The following CCDC38 variants were observed in gnomAD, a reference collection of about 807,000 sequenced individuals.
CCDC38 encodes coiled-coil domain containing 38.
CCDC38 carries 69 observed loss-of-function variants against 72.8 expected under a neutral mutation model. The observed-to-expected ratio is 0.95, with a 90% confidence interval of 0.78 to 1.16. The LOEUF (loss-of-function observed/expected upper bound fraction) is 1.16. Among genes scored for constraint, CCDC38 ranks in the 50% most tolerant of loss-of-function variants. The probability of loss-of-function intolerance (pLI) is 0.00; values close to 1 mark genes in which losing one functional copy is unlikely to be tolerated. For missense variants in CCDC38, 626 were observed against 638.9 expected (o/e 0.98, Z 0.22); for synonymous variants, 201 against 213.2 (o/e 0.94, Z 0.50).
chr12:95,896,157 C>T (rs79760173), intron 7 of CCDC38, among the ~76,000 whole-genome samples: 12,956 of 151,746 alleles, frequency 0.085, 766 homozygotes, highest in Non-Finnish European at 0.12. Context: ...AGGCAGGACA[C>T]ACTACAGACA....
intron 4 of CCDC38, among the ~76,000 whole-genome samples, chr12:95,915,089 TAG>T (rs1430410062): frequency 1.3e-5 from 2 of 152,202 alleles, no homozygotes; most frequent in African/African-American, 4.8e-5. Context: ...TACTAAATCT[TAG>T]AGCCATATTC....
intron 4 of CCDC38, among the ~76,000 whole-genome samples, chr12:95,913,646 G>A (rs754082138): frequency 5.3e-5 from 8 of 152,138 alleles, no homozygotes; most frequent in Non-Finnish European, 1.2e-4. Flanking sequence ...ACTTTACTTT[G>A]TAATGGTGTT....
chr12:95,878,174 G>A lies in CCDC38; in HGVS notation c.1278+37C>T, dbSNP rs375640184. 9.0e-5 allele frequency: 144 copies of A among 1,607,188 alleles called. No individual in the cohort carries two copies. In the African/African-American group the frequency reaches 1.6e-3, roughly 18 times the overall value. Reference sequence around the variant, plus strand: ...CAGGGAATAAAAATTATAATCATGAGCCAAAATGAAATCACCATAGGCAAA... The same window carrying A: ...CAGGGAATAAAAATTATAATCATGAACCAAAATGAAATCACCATAGGCAAA... On this transcript the variant is annotated intron_variant, in intron 13 of 15. Transcript: ENST00000344280.
Position 95,893,407 on chromosome 12 carries a change from TTCCCTCCCTCCC to T in CCDC38, c.772+1570_772+1581del, listed in dbSNP as rs71091218. On this transcript the variant is annotated intron_variant, in intron 8 of 15. Transcript: ENST00000344280. ...TTTTCTTAGATTTAACTTATCTTCC[TTCCCTCCCTCCC>T]TCCCTCCCTCCCTCCCTCCCTCCCT... is the stretch of plus-strand genomic sequence containing the variant. 1.4e-3 allele frequency among the ~76,000 whole-genome samples: 117 copies of T among 85,256 alleles called. 2 individuals carry two copies. The highest frequency in any genetic ancestry group is 9.8e-3 in the South Asian group (19 of 1,942). 55.9% of individuals were successfully genotyped at this position (85,256 alleles called of 152,430 possible).
At chr12:95,936,557 A>C in intron 1 of CCDC38, 34 bp from the exon 2 acceptor site, 1 of 1,580,592 alleles carries the variant, frequency 6.3e-7, no homozygotes, top group Non-Finnish European at 8.7e-7. Context: ...TTTTTTAAAA[A>C]TTCTATGAAC....
At chr12:95,869,736 G>A (rs1315946162) in intron 14 of CCDC38, 163 bp from the exon 15 acceptor site, 7 of 557,242 alleles carry the variant, frequency 1.3e-5, no homozygotes, top group Non-Finnish European at 2.2e-5. Context: ...GAATATTCAG[G>A]TAAATCTCGA....
intron 13 of CCDC38, among the ~76,000 whole-genome samples, chr12:95,877,053 A>T (rs2079643515): frequency 6.6e-6 from 1 of 152,164 alleles, no homozygotes; most frequent in South Asian, 2.1e-4. Flanking sequence ...AAGATTAAAC[A>T]AGTTTTATTG....
chr12:95,915,345 G>A (rs971139486), intron 4 of CCDC38, among the ~76,000 whole-genome samples: 2 of 152,188 alleles, frequency 1.3e-5, no homozygotes, highest in African/African-American at 4.8e-5. Context: ...TGAGGACATA[G>A]AATACTGCAA....
intron 2 of CCDC38, chr12:95,934,821 C>G (rs1421412181): frequency 6.6e-6 from 1 of 152,072 alleles, no homozygotes; most frequent in Admixed American, 6.6e-5. Context: ...CTAGCCTGGC[C>G]AGCATGGGGA....
chr12:95,884,407 A>G (rs1317627651), intron 10 of CCDC38, among the ~76,000 whole-genome samples: 5 of 152,254 alleles, frequency 3.3e-5, no homozygotes, highest in African/African-American at 1.2e-4. Context: ...AAAACTACAG[A>G]AGGCTGAAGA....
At chr12:95,917,316 A>G in intron 3 of CCDC38, 22 bp from the exon 4 acceptor site, 2 of 1,571,804 alleles carry the variant, frequency 1.3e-6, no homozygotes, top group Non-Finnish European at 1.7e-6. Context: ...GAAAAGTTGA[A>G]AAGAATTTTT....
chr12:95,906,586 C>T, intron 4 of CCDC38, 135 bp from the exon 5 acceptor site: 1 of 600,054 alleles, frequency 1.7e-6, no homozygotes, highest in East Asian at 3.0e-5. Flanking sequence ...TGAAATAAAC[C>T]TTTTCCTAGC....
intron 14 of CCDC38, among the ~76,000 whole-genome samples, chr12:95,871,786 G>A (rs1303077523): frequency 3.3e-5 from 5 of 151,796 alleles, no homozygotes; most frequent in African/African-American, 1.2e-4. Flanking sequence ...AGCCCTTCAT[G>A]GGAGAACCAC....
rs1490813773 is a variant in CCDC38 at position 95,879,153 on chromosome 12, CT to C, written c.1142+490del. ...AGGGATCAAATCCAGCTGCTTTCCCCTGACAGAAATCCTTTCTATATTCGCC... is the reference window on the plus strand; with the variant it reads ...AGGGATCAAATCCAGCTGCTTTCCCCGACAGAAATCCTTTCTATATTCGCC... On this transcript the variant is annotated intron_variant, in intron 12 of 15. Coordinates refer to ENST00000344280, the MANE Select transcript of CCDC38 (RefSeq NM_182496.3). This position sits in a 1 kb window ranked among gnomAD's most constrained non-coding sequence, Gnocchi z 5.5. 6.6e-6 allele frequency among the ~76,000 whole-genome samples: 1 copy of C among 152,126 alleles called. No homozygotes were observed. The highest frequency in any genetic ancestry group is 1.5e-5 in the Non-Finnish European group (1 of 68,034).
At chr12:95,909,579 A>C (rs1398870379) in intron 4 of CCDC38, among the ~76,000 whole-genome samples, 1 of 152,184 alleles carries the variant, frequency 6.6e-6, no homozygotes, top group Non-Finnish European at 1.5e-5. Flanking sequence ...TGATATCAAA[A>C]TCTGGCAAAG....
intron 5 of CCDC38, among the ~76,000 whole-genome samples, chr12:95,901,296 A>C (rs1008367530): frequency 1.3e-5 from 2 of 152,200 alleles, no homozygotes; most frequent in Non-Finnish European, 2.9e-5. Context: ...GCCAGGGACT[A>C]TGGTATGAGA....
At chr12:95,874,905 TG>T (rs1316200115) in intron 13 of CCDC38, among the ~76,000 whole-genome samples, 2 of 152,230 alleles carry the variant, frequency 1.3e-5, no homozygotes, top group Non-Finnish European at 2.9e-5. Context: ...CTAATCCATG[TG>T]ACATTCTGCT....
intron 5 of CCDC38, chr12:95,903,436 T>C (rs990461387): frequency 3.4e-5 from 24 of 699,770 alleles, no homozygotes; most frequent in Non-Finnish European, 5.7e-5. Context: ...CAAAAAGAAG[T>C]GGTGCAGTGG....
At chr12:95,871,633 G>A (rs2079581148) in intron 14 of CCDC38, among the ~76,000 whole-genome samples, 1 of 139,264 alleles carries the variant, frequency 7.2e-6, no homozygotes, top group Non-Finnish European at 1.6e-5. Context: ...GGGATGGGTT[G>A]GGGCTCCAGG....
Sources: allele counts gnomAD v4.1 joint callset (sites outside exome capture counted in the v4.1 genomes callset), GRCh38; gene constraint gnomAD v4.1.1; non-coding constraint Gnocchi (gnomAD v3.1); transcripts MANE v1.5; gene names NCBI Gene and HGNC (gene_info 2026-07-23, HGNC 2026-07-21).